GTF2H1: variants seen among roughly 807,000 people sequenced by gnomAD.
GTF2H1 encodes the protein BTF2 p62.
GTF2H1 carries 16 observed loss-of-function variants against 71.2 expected under a neutral mutation model. The observed-to-expected ratio is 0.22, with a 90% CI of 0.15 to 0.34. GTF2H1 has a LOEUF of 0.34. Among genes scored for constraint, GTF2H1 ranks in the 10% least tolerant of loss-of-function variants. The pLI is 1.00. For missense variants in GTF2H1, 498 were observed against 648.2 expected, an observed-to-expected ratio of 0.77 and a Z score of 2.52; for synonymous variants, 215 against 219.0, an observed-to-expected ratio of 0.98 and a Z score of 0.16.
At chr11:18,348,199 A>T in intron 9 of GTF2H1, 1 of 423,110 alleles carries the variant, frequency 2.4e-6, no homozygotes, top group Non-Finnish European at 4.2e-6. Context: ...TTGTTCTTAT[A>T]TGTGATTTTG....
intron 7 of GTF2H1, among the ~76,000 whole-genome samples, chr11:18,345,376 T>C (rs1247710303): frequency 1.3e-5 from 2 of 152,156 alleles, no homozygotes; most frequent in African/African-American, 4.8e-5. Flanking sequence ...GCATTCACAC[T>C]CCTCTCAGAG....
chr11:18,339,058 G>A (rs1309872885), intron 4 of GTF2H1, among the ~76,000 whole-genome samples: 1 of 152,038 alleles, frequency 6.6e-6, no homozygotes, highest in East Asian at 1.9e-4. Flanking sequence ...CCTTATCTGT[G>A]GAATTATGGA....
chr11:18,363,426 AC>A (rs749135393), intron 14 of GTF2H1, among the ~76,000 whole-genome samples: 21 of 152,162 alleles, frequency 1.4e-4, no homozygotes, highest in Non-Finnish European at 2.8e-4. Context: ...GTATGATGTT[AC>A]GACATCACTA....
chr11:18,362,009 G>A (rs770516151), intron 14 of GTF2H1, among the ~76,000 whole-genome samples: 12 of 152,224 alleles, frequency 7.9e-5, no homozygotes, highest in Non-Finnish European at 1.3e-4. Flanking sequence ...GTACAGTCAC[G>A]TGTTGCTTAA....
At chr11:18,334,106 G>A (rs904191455) in intron 2 of GTF2H1, among the ~76,000 whole-genome samples, 12 of 152,150 alleles carry the variant, frequency 7.9e-5, no homozygotes, top group African/African-American at 2.2e-4. Flanking sequence ...AGGGCCGGGC[G>A]CGGTGGCTCA....
chr11:18,345,796 G>T (rs1463726700), intron 7 of GTF2H1, among the ~76,000 whole-genome samples: 3 of 125,218 alleles, frequency 2.4e-5, no homozygotes, highest in Admixed American at 8.5e-5. Flanking sequence ...GCACATATGA[G>T]TTTTTTTTTT....
At chr11:18,356,375 C>T (rs1450248075) in intron 11 of GTF2H1, among the ~76,000 whole-genome samples, 2 of 121,324 alleles carry the variant, frequency 1.6e-5, no homozygotes, top group Non-Finnish European at 3.3e-5. Flanking sequence ...GAGACTCTGT[C>T]TCAAAAAAAA....
intron 9 of GTF2H1, 78 bp downstream of exon 9, chr11:18,347,997 C>T: frequency 5.5e-6 from 5 of 909,232 alleles, no homozygotes; most frequent in Non-Finnish European, 9.1e-6. Context: ...ACTGTATACG[C>T]TTATTTCCTG....
chr11:18,363,306 C>G (rs1163576655), intron 14 of GTF2H1, among the ~76,000 whole-genome samples: 1 of 152,094 alleles, frequency 6.6e-6, no homozygotes, highest in South Asian at 2.1e-4. Flanking sequence ...TTATCATTAT[C>G]AAGTATTAGG....
chr11:18,326,457 G>A (rs1398635893), intron 1 of GTF2H1, among the ~76,000 whole-genome samples: 1 of 152,116 alleles, frequency 6.6e-6, no homozygotes, highest in East Asian at 1.9e-4. Context: ...GGGAGGTGGA[G>A]GTTGCAGTAA....
chr11:18,349,775 C>G (rs181129535), intron 9 of GTF2H1, among the ~76,000 whole-genome samples: 42 of 152,326 alleles, frequency 2.8e-4, no homozygotes, highest in Admixed American at 2.2e-3. Context: ...CCAATAAACT[C>G]ATAAGTTGCA....
chr11:18,361,336 A>T (rs1044330406), intron 14 of GTF2H1, among the ~76,000 whole-genome samples: 3 of 152,102 alleles, frequency 2.0e-5, no homozygotes, highest in Non-Finnish European at 2.9e-5. Context: ...TAACCAAAGC[A>T]TTTGTGATAA....
chr11:18,358,720 G>T, intron 13 of GTF2H1, 80 bp downstream of exon 13: 1 of 805,766 alleles, frequency 1.2e-6, no homozygotes, highest in Non-Finnish European at 2.2e-6. Context: ...GTTTTATTGA[G>T]TCTTACCATG....
At chr11:18,359,216 C>T (rs1326081897) in intron 13 of GTF2H1, among the ~76,000 whole-genome samples, 1 of 152,126 alleles carries the variant, frequency 6.6e-6, no homozygotes, top group African/African-American at 2.4e-5. Context: ...CTCACACTTA[C>T]CAGTATGCAG....
In GTF2H1 at chr11:18,341,402, A is replaced by T. The variant is rs755702363; in HGVS notation, c.749A>T (p.Asp250Val). ...CTCTTTGCAGAATGTGCCAAAATAG[A>T]TGAAAAAGGTAACTGTTTATCTCTG... ...KDLFAECAKI[D>V]EKGLKTMVSL... Residue 250 changes from aspartate (D) to valine (V), a missense_variant, in exon 6 of 15, where the codon GAT becomes GTT. This residue lies in a region of GTF2H1 where 216 missense variants were observed against 306.2 expected (regional missense o/e 0.71). Transcript: ENST00000265963. 2.5e-6 allele frequency: 4 copies of T among 1,613,820 alleles called. No individual in the cohort carries two copies. In the Admixed American group the frequency reaches 6.7e-5, roughly 27 times the overall value.
At chr11:18,353,617 A>T (rs4150655) in intron 11 of GTF2H1, among the ~76,000 whole-genome samples, 103,010 of 152,154 alleles carry the variant, frequency 0.68, 35,378 homozygotes, top group East Asian at 0.96. Flanking sequence ...ATCCTTAACT[A>T]GTGCAAAGAA....
At chr11:18,355,148 ATTTTTAT>A (rs915704261) in intron 11 of GTF2H1, among the ~76,000 whole-genome samples, 1 of 116,170 alleles carries the variant, frequency 8.6e-6, no homozygotes, top group African/African-American at 3.2e-5. Context: ...TTTTTTTTTT[ATTTTTAT>A]TTTGTGAGAC....
chr11:18,334,576 C>A (rs760216180), intron 2 of GTF2H1, among the ~76,000 whole-genome samples: 4 of 152,200 alleles, frequency 2.6e-5, no homozygotes, highest in Non-Finnish European at 5.9e-5. Context: ...GTATGCCCAT[C>A]TCCAATTTCT....
chr11:18,335,487 A>T (rs1354247302), intron 2 of GTF2H1, among the ~76,000 whole-genome samples: 1 of 152,216 alleles, frequency 6.6e-6, no homozygotes, highest in Non-Finnish European at 1.5e-5. Flanking sequence ...ACAAAAGCCC[A>T]TTAATATCTG....
Sources: allele counts gnomAD v4.1 joint callset (sites outside exome capture counted in the v4.1 genomes callset), GRCh38; gene constraint gnomAD v4.1.1; regional missense constraint gnomAD v4.1.1; transcripts MANE v1.5; gene names NCBI Gene and HGNC (gene_info 2026-07-23, HGNC 2026-07-21).